The following CFAP43 variants were observed in gnomAD, a reference collection of about 807,000 sequenced individuals.
CFAP43 encodes cilia- and flagella-associated protein 43.
CFAP43 carries 155 observed loss-of-function variants against 218.9 expected under a neutral mutation model. The observed-to-expected ratio is 0.71, with a 90% confidence interval of 0.62 to 0.81. The LOEUF is 0.81. Ranked by LOEUF, CFAP43 falls within the 30% of genes least tolerant of loss-of-function variation. The pLI is 0.00. For missense variants in CFAP43, 1,778 were observed against 1,954.3 expected (o/e 0.91, Z 1.70); for synonymous variants, 645 against 681.3 (o/e 0.95, Z 0.83).
chr10:104,140,242 C>T (rs1442093257), intron 34 of CFAP43, among the ~76,000 whole-genome samples: 2 of 152,058 alleles, frequency 1.3e-5, no homozygotes, highest in African/African-American at 4.8e-5. Flanking sequence ...ATTATCTTTG[C>T]CTGAGTAGGC....
intron 3 of CFAP43, among the ~76,000 whole-genome samples, chr10:104,221,624 A>G (rs1369057079): frequency 1.3e-5 from 2 of 152,162 alleles, no homozygotes; most frequent in African/African-American, 2.4e-5. Flanking sequence ...TAAGCCACCC[A>G]GTCTATGGGA....
intron 27 of CFAP43, among the ~76,000 whole-genome samples, chr10:104,160,424 G>A (rs1424503201): frequency 1.3e-5 from 2 of 152,132 alleles, no homozygotes; most frequent in East Asian, 3.9e-4. Flanking sequence ...CTTGAATGAT[G>A]GTATGACTTT....
intron 13 of CFAP43, 106 bp downstream of exon 13, chr10:104,188,164 A>G: frequency 1.4e-6 from 2 of 1,447,778 alleles, no homozygotes; most frequent in Middle Eastern, 3.6e-4. Flanking sequence ...AAAGGTGGCC[A>G]TTTTACCTCT....
In CFAP43 at chr10:104,133,814, A is replaced by G. The variant is rs369179625; in HGVS notation, c.4432-30T>C. On this transcript the variant is annotated intron_variant, in intron 34 of 37. Coordinates refer to ENST00000357060, the MANE Select transcript of CFAP43 (RefSeq NM_025145.7). ...AAAAAAGTACATTAGATATCCATAT[A>G]ATATGATTCTGCATATAGAACATAG... The G allele has an allele frequency of 1.0e-5, 16 of 1,554,046 alleles. No individual in the cohort carries two copies. The African/African-American group carries it at 1.9e-4, about 19-fold the overall frequency.
Position 104,131,496 on chromosome 10 carries a change from G to C in CFAP43, c.4678-12C>G, listed in dbSNP as rs2087190717. The C allele has an allele frequency of 6.2e-7, 1 of 1,604,520 alleles. No individual in the cohort carries two copies. The highest frequency in any genetic ancestry group is 2.2e-5 in the East Asian group (1 of 44,654). ...TTCTTTTTGTGCATCTGAAATTTTT[G>C]TTCCCATGACACCCCACAAAATTAA... On this transcript the variant is annotated splice_polypyrimidine_tract_variant and intron_variant, in intron 36 of 37. Coordinates refer to ENST00000357060, the MANE Select transcript of CFAP43 (RefSeq NM_025145.7).
chr10:104,145,708 C>T (rs182949267), intron 30 of CFAP43, 144 bp from the exon 31 acceptor site: 94 of 513,696 alleles, frequency 1.8e-4, no homozygotes, highest in Non-Finnish European at 2.8e-5. Flanking sequence ...AGACATTAAC[C>T]ATTCTCTGTG....
chr10:104,163,256 A>G (rs2088971729), intron 24 of CFAP43, among the ~76,000 whole-genome samples: 1 of 152,164 alleles, frequency 6.6e-6, no homozygotes, highest in African/African-American at 2.4e-5. Flanking sequence ...TGGAACTAAT[A>G]TCAGTACCTA....
At chr10:104,152,818 T>A in intron 27 of CFAP43, 92 bp from the exon 28 acceptor site, 1 of 1,413,958 alleles carries the variant, frequency 7.1e-7, no homozygotes, top group South Asian at 1.4e-5. Flanking sequence ...GAGGGGCAGA[T>A]GGAGGGCAGC....
intron 27 of CFAP43, among the ~76,000 whole-genome samples, chr10:104,154,428 A>T (rs1315781938): frequency 6.6e-6 from 1 of 152,244 alleles, no homozygotes; most frequent in African/African-American, 2.4e-5. Context: ...CCTAACAGTG[A>T]GGAGATATGA....
chr10:104,203,701 A>G lies in CFAP43; in HGVS notation c.1066T>C (p.Tyr356His). ...PVEHMTFSPN[Y>H]TVLLIQTDKG... is the part of the protein sequence containing the mutation. ...TCTGTTTGAATCAGCAACACTGTATAATTGGGAGAAAATGTCATATGTTCT... is the reference window on the plus strand; with the variant it reads ...TCTGTTTGAATCAGCAACACTGTATGATTGGGAGAAAATGTCATATGTTCT... The change falls in exon 8 of 38, where the codon TAT (tyrosine) becomes CAT (histidine). Residue 356 changes from tyrosine to histidine, a missense_variant. By Grantham distance (83) the Tyr-to-His change is moderately conservative. Coordinates refer to ENST00000357060, the MANE Select transcript of CFAP43 (RefSeq NM_025145.7). 6.2e-7 allele frequency: 1 copy of G among 1,610,936 alleles called. No individual in the cohort carries two copies. The highest frequency in any genetic ancestry group is 8.5e-7 in the Non-Finnish European group (1 of 1,178,790).
At chr10:104,225,893 T>C (rs1176587815) in intron 2 of CFAP43, among the ~76,000 whole-genome samples, 2 of 152,260 alleles carry the variant, frequency 1.3e-5, no homozygotes, top group Non-Finnish European at 2.9e-5. Context: ...GACATTGTAA[T>C]TAGAATAGTT....
Position 104,214,417 on chromosome 10 carries a change from T to C in CFAP43, c.426A>G (p.Glu142=), listed in dbSNP as rs186023353. 190 of 1,578,614 alleles carry C rather than the reference T, an allele frequency of 1.2e-4. 3 individuals are homozygous for C. In the South Asian group the frequency reaches 1.9e-3, roughly 16 times the overall value. ...ATTTCTTACACAAAATGATACTCGA[T>C]TCCCAGTTCCTTAGAGAAAAATAGC... ...PEFELALWNW[E]SSIILCKKSQ... is the part of the protein sequence containing the mutation. Residue 142 remains glutamate (E), a synonymous_variant, in exon 4 of 38, where the codon GAA becomes GAG. Coordinates refer to ENST00000357060, the MANE Select transcript of CFAP43 (RefSeq NM_025145.7).
chr10:104,193,382 A>G (rs2090286503), intron 11 of CFAP43: 1 of 152,770 alleles, frequency 6.5e-6, no homozygotes, highest in Non-Finnish European at 1.5e-5. Context: ...GAGCAAAGGC[A>G]GTGACTCTGC....
At chr10:104,176,062 AT>A (rs943101888) in intron 19 of CFAP43, among the ~76,000 whole-genome samples, 14 of 152,054 alleles carry the variant, frequency 9.2e-5, no homozygotes, top group Non-Finnish European at 1.9e-4. Flanking sequence ...AAAAAGGCCA[AT>A]TTTTTTTAAA....
intron 14 of CFAP43, 88 bp from the exon 15 acceptor site, chr10:104,186,211 T>C (rs1188062400): frequency 1.8e-6 from 2 of 1,086,080 alleles, no homozygotes; most frequent in Non-Finnish European, 2.5e-6. Flanking sequence ...TGTTGTATAT[T>C]GTCATTGTAA....
At chr10:104,131,517 ATT>A in intron 36 of CFAP43, 33 bp from the exon 37 acceptor site, 1 of 1,580,906 alleles carries the variant, frequency 6.3e-7, no homozygotes, top group Non-Finnish European at 8.5e-7. Context: ...ACCCCACAAA[ATT>A]AATTTTGAAA....
intron 9 of CFAP43, 72 bp downstream of exon 9, chr10:104,197,850 T>G (rs904595397): frequency 1.9e-5 from 21 of 1,080,940 alleles, no homozygotes; most frequent in Non-Finnish European, 2.8e-5. Context: ...CAATAACATA[T>G]AAATGGGGAT....
At chr10:104,159,808 C>T (rs1447412107) in intron 27 of CFAP43, among the ~76,000 whole-genome samples, 1 of 152,114 alleles carries the variant, frequency 6.6e-6, no homozygotes, top group East Asian at 1.9e-4. Flanking sequence ...GTCCACTGGA[C>T]AGCAATAGCC....
At chr10:104,153,670 T>C (rs185181236) in intron 27 of CFAP43, among the ~76,000 whole-genome samples, 307 of 152,354 alleles carry the variant, frequency 2.0e-3, no homozygotes, top group African/African-American at 7.1e-3. Context: ...TTCAAACTTA[T>C]AGAAAAGTTG....
Sources: allele counts gnomAD v4.1 joint callset (sites outside exome capture counted in the v4.1 genomes callset), GRCh38; gene constraint gnomAD v4.1.1; transcripts MANE v1.5; gene names NCBI Gene and HGNC (gene_info 2026-07-23, HGNC 2026-07-21).